Variants in NEK1 observed in about 807,000 individuals in gnomAD.
The protein encoded by NEK1 is serine/threonine-protein kinase Nek1.
NEK1 carries 137 observed loss-of-function variants against 182.1 expected under a neutral mutation model. The ratio of observed to expected loss-of-function variants is 0.75; its 90% CI spans 0.65 to 0.87. The LOEUF (loss-of-function observed/expected upper bound fraction) is 0.87. NEK1 is among the 40% of genes least tolerant of loss of function. The pLI, the probability that NEK1 is intolerant of heterozygous loss-of-function variation, is 0.00. For synonymous variants in NEK1, 513 were observed against 492.2 expected, an observed-to-expected ratio of 1.04 and a Z score of -0.56; for missense variants, 1,391 against 1,494.4, an observed-to-expected ratio of 0.93 and a Z score of 1.14.
chr4:169,520,926 C>T lies in NEK1; in HGVS notation c.1666-12074G>A, dbSNP rs1193233268. 2.8e-3 allele frequency among the ~76,000 whole-genome samples: 23 copies of T among 8,192 alleles called. No individual in the cohort carries two copies. In the South Asian group the frequency reaches 0.042, roughly 15 times the overall value. The allele number at this position is 8,192 out of a possible 152,430, so 5.4% of individuals were successfully genotyped here. A position where few individuals can be genotyped will look rare whatever the true frequency, so the allele number is the denominator to read the frequency against. On this transcript the variant is annotated intron_variant, in intron 19 of 35. Coordinates refer to ENST00000507142, the MANE Select transcript of NEK1 (RefSeq NM_001199397.3). ...TCTCTTCAAAGCTGTCAGACAGGGACACTTAAGTCTGCAGAGGTTACTGCT... is the reference window on the plus strand; with the variant it reads ...TCTCTTCAAAGCTGTCAGACAGGGATACTTAAGTCTGCAGAGGTTACTGCT...
chr4:169,411,201 A>G (rs999048416), intron 31 of NEK1, among the ~76,000 whole-genome samples: 3 of 152,180 alleles, frequency 2.0e-5, no homozygotes, highest in African/African-American at 4.8e-5. Context: ...ATTGAGAGGC[A>G]TGATTTTAAG....
chr4:169,536,901 T>C lies in NEK1; in HGVS notation c.1665+908A>G, dbSNP rs75847588. Among the ~76,000 whole-genome samples, 1,394 of 152,228 alleles carry C rather than the reference T, an allele frequency of 9.2e-3. 23 individuals carry two copies. Among genetic ancestry groups the C allele is most frequent in the African/African-American group, 0.032 (1,312 of 41,536 alleles). ...TTAATTCCGGATGTAGAAAAACAAA[T>C]TTAAGTATCTGTGTTAACAATATAA... On this transcript the variant is annotated intron_variant, in intron 19 of 35. Transcript: ENST00000507142.
intron 29 of NEK1, among the ~76,000 whole-genome samples, chr4:169,429,101 G>A (rs1441297662): frequency 6.6e-6 from 1 of 151,952 alleles, no homozygotes; most frequent in Non-Finnish European, 1.5e-5. Flanking sequence ...GTACACAGAG[G>A]GCTGGCTTTT....
intron 35 of NEK1, among the ~76,000 whole-genome samples, chr4:169,396,336 A>G (rs976253065): frequency 8.2e-6 from 1 of 121,638 alleles, no homozygotes; most frequent in Non-Finnish European, 1.6e-5. Flanking sequence ...ACTGTACTCC[A>G]GCCTGGGCGA....
At chr4:169,531,365 AAG>A (rs1274559017) in intron 19 of NEK1, among the ~76,000 whole-genome samples, 1 of 152,048 alleles carries the variant, frequency 6.6e-6, no homozygotes, top group Non-Finnish European at 1.5e-5. Flanking sequence ...CATTCATTTG[AAG>A]AGTCTGGCTA....
chr4:169,510,535 A>G (rs928795680), intron 19 of NEK1, among the ~76,000 whole-genome samples: 1 of 152,084 alleles, frequency 6.6e-6, no homozygotes, highest in African/African-American at 2.4e-5. Flanking sequence ...TTTGACTCTT[A>G]AATTGCTAAA....
intron 12 of NEK1, among the ~76,000 whole-genome samples, chr4:169,568,608 G>C (rs887788633): frequency 6.6e-6 from 1 of 152,038 alleles, no homozygotes; most frequent in Non-Finnish European, 1.5e-5. Flanking sequence ...AACTTTCTGA[G>C]CTATATTAAA....
chr4:169,543,827 G>A (rs1004304175), intron 18 of NEK1, among the ~76,000 whole-genome samples: 1 of 152,190 alleles, frequency 6.6e-6, no homozygotes, highest in Admixed American at 6.5e-5. Context: ...TTTGCACATT[G>A]ATTTTGTATG....
intron 11 of NEK1, among the ~76,000 whole-genome samples, chr4:169,578,133 A>G (rs1766011242): frequency 6.6e-6 from 1 of 152,216 alleles, no homozygotes; most frequent in African/African-American, 2.4e-5. Context: ...TTAACCCTTA[A>G]TGAAGCCTAG....
chr4:169,545,219 A>G (rs1370422574), intron 18 of NEK1, among the ~76,000 whole-genome samples: 1 of 77,142 alleles, frequency 1.3e-5, no homozygotes, highest in Non-Finnish European at 2.4e-5. Flanking sequence ...CCACCCCACC[A>G]CAGTCCCCAG....
chr4:169,438,045 A>T (rs1177640834), intron 28 of NEK1, 38 bp downstream of exon 28: 1 of 1,490,136 alleles, frequency 6.7e-7, no homozygotes, highest in Non-Finnish European at 9.1e-7. Context: ...AGTTTTTACT[A>T]AATCAAATAT....
intron 23 of NEK1, among the ~76,000 whole-genome samples, chr4:169,497,922 C>T (rs1251002802): frequency 2.0e-5 from 3 of 152,054 alleles, no homozygotes; most frequent in South Asian, 2.1e-4. Context: ...CTATCAGGTC[C>T]CCTTGGTGCA....
intron 23 of NEK1, among the ~76,000 whole-genome samples, chr4:169,503,228 T>C (rs1460386055): frequency 2.6e-5 from 4 of 152,028 alleles, no homozygotes; most frequent in African/African-American, 7.2e-5. Context: ...AAATCATAGA[T>C]GACATAAACA....
chr4:169,609,120 T>A (rs1039236330), intron 2 of NEK1, among the ~76,000 whole-genome samples: 4 of 151,850 alleles, frequency 2.6e-5, no homozygotes, highest in African/African-American at 4.8e-5. Flanking sequence ...GTAAGTTTTA[T>A]GTTATGTATA....
At chr4:169,488,392 G>C (rs1749440586) in intron 23 of NEK1, among the ~76,000 whole-genome samples, 1 of 152,132 alleles carries the variant, frequency 6.6e-6, no homozygotes, top group Non-Finnish European at 1.5e-5. Flanking sequence ...TTCTGCATAT[G>C]ACTAGCCAGT....
At chr4:169,465,304 G>A (rs1233033354) in intron 26 of NEK1, among the ~76,000 whole-genome samples, 5 of 152,100 alleles carry the variant, frequency 3.3e-5, no homozygotes, top group African/African-American at 4.8e-5. Flanking sequence ...ATGTTCATAA[G>A]AGAAACCCTC....
At chr4:169,547,636 G>A (rs1054903742) in intron 18 of NEK1, among the ~76,000 whole-genome samples, 8 of 152,010 alleles carry the variant, frequency 5.3e-5, no homozygotes, top group Admixed American at 2.0e-4. Context: ...TGGTCTTTTC[G>A]CATACTCCCA....
chr4:169,608,044 TA>T (rs957917088), intron 2 of NEK1, among the ~76,000 whole-genome samples: 3 of 151,780 alleles, frequency 2.0e-5, no homozygotes, highest in African/African-American at 7.3e-5. Flanking sequence ...AATGCTGTCC[TA>T]ATAAAAACAT....
intron 18 of NEK1, among the ~76,000 whole-genome samples, chr4:169,551,949 C>A (rs1461679631): frequency 1.3e-5 from 2 of 151,640 alleles, no homozygotes; most frequent in Non-Finnish European, 2.9e-5. Context: ...AACAGAAATA[C>A]GTGAAAATTC....
Sources: allele counts gnomAD v4.1 joint callset (sites outside exome capture counted in the v4.1 genomes callset), GRCh38; gene constraint gnomAD v4.1.1; transcripts MANE v1.5; gene names NCBI Gene and HGNC (gene_info 2026-07-23, HGNC 2026-07-21).